Variants in CNDP1 observed in about 807,000 individuals in gnomAD.
CNDP1 encodes the protein carnosine dipeptidase 1, also known as beta-Ala-His dipeptidase.
In CNDP1, 44 loss-of-function variants were observed where a neutral mutation model predicts 58.1. The observed-to-expected ratio is 0.76, with a 90% confidence interval of 0.60 to 0.97. The LOEUF (loss-of-function observed/expected upper bound fraction) is 0.97, where lower values mean the gene tolerates loss of function less well. Ranked by LOEUF, CNDP1 falls within the 50% of genes least tolerant of loss-of-function variation. CNDP1 has a pLI of 0.00. For missense variants in CNDP1, 616 were observed against 655.1 expected, an observed-to-expected ratio of 0.94 and a Z score of 0.65; for synonymous variants, 254 against 252.6, an observed-to-expected ratio of 1.01 and a Z score of -0.05.
rs370320572 is a variant in CNDP1 at position 74,547,435 on chromosome 18, T to C, written c.25-8903T>C. On this transcript the variant is annotated intron_variant, in intron 1 of 11. Transcript: ENST00000358821. ...GGGGTGGAGGCAAGAGTGCTTTCTT[T>C]CATTTTCTATTCTTTCTTCTGTTCA... Among the ~76,000 whole-genome samples, 99 of 152,328 alleles carry C rather than the reference T, an allele frequency of 6.5e-4. No individual in the cohort carries two copies. In the South Asian group the frequency reaches 0.016, roughly 25 times the overall value.
intron 5 of CNDP1, among the ~76,000 whole-genome samples, chr18:74,566,509 C>G (rs1473162870): frequency 6.6e-6 from 1 of 152,224 alleles, no homozygotes; most frequent in African/African-American, 2.4e-5. Context: ...CCTAAATCAT[C>G]TCTCTCAAGT....
At chr18:74,560,010 C>CTTTTT (rs398033526) in intron 3 of CNDP1, among the ~76,000 whole-genome samples, 41,011 of 121,022 alleles carry the variant, frequency 0.34, 8,590 homozygotes, top group East Asian at 0.51. Context: ...CATCTGCATT[C>CTTTTT]TTTTTTTTTT....
At chr18:74,553,548 C>G (rs545738182) in intron 1 of CNDP1, among the ~76,000 whole-genome samples, 1 of 152,252 alleles carries the variant, frequency 6.6e-6, no homozygotes, top group African/African-American at 2.4e-5. Flanking sequence ...TCCGCACCCT[C>G]GATGAAAATC....
intron 7 of CNDP1, among the ~76,000 whole-genome samples, chr18:74,575,831 ATGTGTGTGTGTG>A (rs386388202): frequency 2.3e-4 from 22 of 94,236 alleles, no homozygotes; most frequent in African/African-American, 4.6e-4. Context: ...GTGTGTATAC[ATGTGTGTGTGTG>A]TGTGTGTGTG....
Position 74,561,003 on chromosome 18 carries a change from C to A in CNDP1, c.451C>A (p.Leu151Met), listed in dbSNP as rs750643498. 6.2e-7 allele frequency: 1 copy of A among 1,613,508 alleles called. No homozygotes were observed. Among genetic ancestry groups the A allele is most frequent in the South Asian group, 1.1e-5 (1 of 91,066 alleles). ...TGGGTGGCTCACGGACCCCTATGTGCTGACGGAGGTAGACGGTCAGTGAGG... is the reference window on the plus strand; with the variant it reads ...TGGGTGGCTCACGGACCCCTATGTGATGACGGAGGTAGACGGTCAGTGAGG... ...GDGWLTDPYV[L>M]TEVDGKLYGR... The change falls in exon 4 of 12, where the codon CTG (leucine) becomes ATG (methionine). Residue 151 changes from leucine (L) to methionine (M), a missense_variant. Physicochemically the swap from Leu to Met is conservative, Grantham distance 15. Coordinates refer to ENST00000358821, the MANE Select transcript of CNDP1 (RefSeq NM_032649.6).
At chr18:74,567,204 T>C (rs755770789) in intron 5 of CNDP1, 29 bp from the exon 6 acceptor site, 51 of 1,585,386 alleles carry the variant, frequency 3.2e-5, no homozygotes, top group Non-Finnish European at 4.4e-5. Context: ...AGGCAACTTG[T>C]GCAATTTTTT....
intron 1 of CNDP1, among the ~76,000 whole-genome samples, chr18:74,541,694 C>T (rs1173115491): frequency 6.6e-6 from 1 of 152,198 alleles, no homozygotes; most frequent in Non-Finnish European, 1.5e-5. Flanking sequence ...CTCCCCAGCC[C>T]CTTCGTCCCA....
rs992170600 is a variant in CNDP1, at chr18:74,583,892, G to A, written c.1457+184G>A. ...CTGGATGCCCTAGATCAGGTGCCAGGCCATTTGGTTCCTGGTGGGTATGGG... is the reference window on the plus strand; with the variant it reads ...CTGGATGCCCTAGATCAGGTGCCAGACCATTTGGTTCCTGGTGGGTATGGG... On this transcript the variant is annotated intron_variant, in intron 11 of 11. Coordinates refer to ENST00000358821, the MANE Select transcript of CNDP1 (RefSeq NM_032649.6). 3 of 612,824 alleles carry A rather than the reference G, an allele frequency of 4.9e-6. No individual in the cohort carries two copies. In the African/African-American group the frequency reaches 5.6e-5, roughly 11 times the overall value. The allele number at this position is 612,824 out of a possible 1,614,324, so 38.0% of individuals were successfully genotyped here. A position where few individuals can be genotyped will look rare whatever the true frequency, so the allele number is the denominator to read the frequency against.
chr18:74,550,155 C>A (rs1220379005), intron 1 of CNDP1, among the ~76,000 whole-genome samples: 1 of 152,204 alleles, frequency 6.6e-6, no homozygotes, highest in African/African-American at 2.4e-5. Context: ...AGAAGGGGGC[C>A]ATCATTCTCC....
intron 1 of CNDP1, among the ~76,000 whole-genome samples, chr18:74,540,995 C>T (rs1980607311): frequency 6.6e-6 from 1 of 152,218 alleles, no homozygotes; most frequent in Non-Finnish European, 1.5e-5. Flanking sequence ...TGGTTTAGCA[C>T]AGACTGCTAT....
At position 74,535,354 on chromosome 18, in the gene CNDP1, G is replaced by C. The variant is rs112282699; in HGVS notation, c.24+663G>C. Among the ~76,000 whole-genome samples, 4 of 152,340 alleles carry C rather than the reference G, an allele frequency of 2.6e-5. 1 individual carries two copies. The highest frequency in any genetic ancestry group is 9.6e-5 in the African/African-American group (4 of 41,566). The stretch of plus-strand genomic sequence containing the variant: ...ACACAGAAATTTTCAGAATTTTGTG[G>C]AAGGTTGATACGTAGAAGACTCTCA... On this transcript the variant is annotated intron_variant, in intron 1 of 11. Transcript: ENST00000358821.
intron 9 of CNDP1, among the ~76,000 whole-genome samples, chr18:74,579,631 CGAGGCTGAAAT>C (rs1981737636): frequency 6.6e-6 from 1 of 152,122 alleles, no homozygotes; most frequent in Non-Finnish European, 1.5e-5. Context: ...GGGGAGAGAA[CGAGGCTGAAAT>C]GAGGCTCTCC....
At chr18:74,554,094 G>C (rs1020164322) in intron 1 of CNDP1, among the ~76,000 whole-genome samples, 2 of 152,216 alleles carry the variant, frequency 1.3e-5, no homozygotes, top group African/African-American at 4.8e-5. Flanking sequence ...TGAACTTGGT[G>C]TTGGCCCTCC....
chr18:74,572,323 C>T (rs974226653), intron 7 of CNDP1, among the ~76,000 whole-genome samples: 1 of 152,104 alleles, frequency 6.6e-6, no homozygotes, highest in Non-Finnish European at 1.5e-5. Context: ...GAAGTTTAAA[C>T]TCCAGGGGCC....
chr18:74,559,420 C>A lies in CNDP1; in HGVS notation c.251C>A (p.Thr84Lys), dbSNP rs200926840. ...AGAATGATGGCCGTGGCTGCGGACA[C>A]GCTGCAGCGCCTGGGGGCCCGTGTG... ...LFRMMAVAAD[T>K]LQRLGARVAS... The change falls in exon 3 of 12, where the codon ACG becomes AAG. Residue 84 changes from threonine (T) to lysine (K), a missense_variant. Transcript: ENST00000358821. The A allele has an allele frequency of 6.2e-7, 1 of 1,612,842 alleles. No homozygotes were observed. Among genetic ancestry groups the A allele is most frequent in the Non-Finnish European group, 8.5e-7 (1 of 1,179,962 alleles).
At chr18:74,534,771 C>T in intron 1 of CNDP1, 80 bp downstream of exon 1, 4 of 1,553,136 alleles carry the variant, frequency 2.6e-6, no homozygotes, top group Non-Finnish European at 2.7e-6. Context: ...GCGTTAAGCC[C>T]AGTTGGGCAG....
In CNDP1 at chr18:74,567,610, G is replaced by A. The variant is rs190242955; in HGVS notation, c.756+177G>A. Among the ~76,000 whole-genome samples the A allele has an allele frequency of 2.0e-5, 3 of 152,286 alleles. No individual in the cohort carries two copies. The East Asian group carries it at 5.8e-4, about 29-fold the overall frequency. ...GTGCAGAGGTCTTGGGGTTTGGGGA[G>A]GTCATGAACCCCCAACACTTGGAGT... On this transcript the variant is annotated intron_variant, in intron 6 of 11. Transcript: ENST00000358821.
chr18:74,560,283 G>A lies in CNDP1; in HGVS notation c.304-573G>A, dbSNP rs891617709. Among the ~76,000 whole-genome samples the A allele has an allele frequency of 2.0e-5, 3 of 152,248 alleles. No individual in the cohort carries two copies. The East Asian group carries it at 5.8e-4, about 29-fold the overall frequency. ...CCCGCCTTGGCTTCCCAAAGTGCTG[G>A]GATTACAGGCATGAGCCACCGTGCC... On this transcript the variant is annotated intron_variant, in intron 3 of 11. Coordinates refer to ENST00000358821, the MANE Select transcript of CNDP1 (RefSeq NM_032649.6).
intron 7 of CNDP1, among the ~76,000 whole-genome samples, chr18:74,573,410 TA>T (rs1981541324): frequency 6.2e-5 from 2 of 32,180 alleles, no homozygotes; most frequent in Non-Finnish European, 1.1e-4. Context: ...ATCCACCCAT[TA>T]TCATCTATCC....
Sources: allele counts gnomAD v4.1 joint callset (sites outside exome capture counted in the v4.1 genomes callset), GRCh38; gene constraint gnomAD v4.1.1; transcripts MANE v1.5; gene names NCBI Gene and HGNC (gene_info 2026-07-23, HGNC 2026-07-21).